The following PRKRIP1 variants were observed in gnomAD, a reference collection of about 807,000 sequenced individuals.
PRKRIP1 encodes PRKR-interacting protein 1.
PRKRIP1 carries 29 observed loss-of-function variants against 29.3 expected under a neutral mutation model. The ratio of observed to expected loss-of-function variants is 0.99; its 90% CI spans 0.74 to 1.35. PRKRIP1 has a LOEUF of 1.35. Among genes scored for constraint, PRKRIP1 ranks in the 40% most tolerant of loss-of-function variants. PRKRIP1 has a pLI of 0.00. For missense variants in PRKRIP1, 247 were observed against 236.8 expected (o/e 1.04, Z -0.28); for synonymous variants, 90 against 85.1 (o/e 1.06, Z -0.32).
At chr7:102,404,787 G>A in intron 4 of PRKRIP1, 104 bp downstream of exon 4, 1 of 777,308 alleles carries the variant, frequency 1.3e-6, no homozygotes, top group Non-Finnish European at 2.1e-6. Flanking sequence ...ACCTGTAGGG[G>A]TCATGAATGT....
At chr7:102,415,691 C>T (rs896638703) in intron 5 of PRKRIP1, among the ~76,000 whole-genome samples, 9 of 152,252 alleles carry the variant, frequency 5.9e-5, no homozygotes, top group Non-Finnish European at 8.8e-5. Context: ...TGAGGTTAGT[C>T]AGTGGTGCTG....
At chr7:102,411,764 AAG>A (rs575784055) in intron 5 of PRKRIP1, among the ~76,000 whole-genome samples, 129 of 151,826 alleles carry the variant, frequency 8.5e-4, no homozygotes, top group Middle Eastern at 3.4e-3. Flanking sequence ...CCAGTGCAAA[AAG>A]GCTATAATTT....
chr7:102,396,464 C>T lies in PRKRIP1; in HGVS notation c.53C>T (p.Pro18Leu), dbSNP rs146963861. 6.2e-6 allele frequency: 10 copies of T among 1,608,832 alleles called. No individual in the cohort carries two copies. Among genetic ancestry groups the T allele is most frequent in the Non-Finnish European group, 5.9e-6 (7 of 1,178,832 alleles). Residue 18 changes from proline (P) to leucine (L), a missense_variant, in exon 1 of 6, where the codon CCG (proline) becomes CTG (leucine). Pro to Leu is a moderately conservative substitution (Grantham distance 98). Transcript: ENST00000397912. The stretch of plus-strand genomic sequence containing the variant: ...CGACCACCGAGGCCCAAGAAAGAGC[C>T]GCAGACGCTCGTCATCCCCAAGAAT... Reference protein sequence around the residue: ...SVRPPRPKKEPQTLVIPKNAA... With the variant: ...SVRPPRPKKELQTLVIPKNAA...
chr7:102,408,946 AGTGG>A (rs1796302549), intron 5 of PRKRIP1, among the ~76,000 whole-genome samples: 1 of 138,572 alleles, frequency 7.2e-6, no homozygotes, highest in Non-Finnish European at 1.7e-5. Flanking sequence ...AGCCAAGGCG[AGTGG>A]ATCACCTGAG....
chr7:102,425,048 C>T lies in PRKRIP1; in HGVS notation c.492C>T (p.Ser164=). The T allele has an allele frequency of 1.9e-6, 3 of 1,613,806 alleles. No homozygotes were observed. The highest frequency in any genetic ancestry group is 4.5e-5 in the East Asian group (2 of 44,864). Residue 164 remains serine, a synonymous_variant, in exon 6 of 6, where the codon AGC becomes AGT. Transcript: ENST00000397912. The part of the protein sequence containing the change: ...PGQPKEQGSS[S]SAEASGTEEE... The stretch of plus-strand genomic sequence containing the variant: ...AGCCCAAGGAGCAGGGGTCCAGCAG[C>T]TCTGCGGAGGCATCTGGAACAGAGG...
intron 1 of PRKRIP1, among the ~76,000 whole-genome samples, chr7:102,397,099 G>A (rs1795926163): frequency 6.6e-6 from 1 of 152,114 alleles, no homozygotes; most frequent in Non-Finnish European, 1.5e-5. Context: ...GCTCTGGAAA[G>A]CGTAGCCCTG....
At chr7:102,410,635 A>T (rs984288352) in intron 5 of PRKRIP1, among the ~76,000 whole-genome samples, 3 of 151,720 alleles carry the variant, frequency 2.0e-5, no homozygotes, top group African/African-American at 7.3e-5. Flanking sequence ...CAGAACTCAC[A>T]CTCTTAGTGA....
intron 5 of PRKRIP1, among the ~76,000 whole-genome samples, chr7:102,411,741 A>G (rs1332204064): frequency 6.6e-6 from 1 of 151,238 alleles, no homozygotes; most frequent in East Asian, 1.9e-4. Flanking sequence ...TAACTGAACC[A>G]TTTTAACGCC....
chr7:102,402,700 T>TA (rs767598778), intron 3 of PRKRIP1, among the ~76,000 whole-genome samples: 45 of 151,928 alleles, frequency 3.0e-4, no homozygotes, highest in Middle Eastern at 6.8e-3. Flanking sequence ...CTCTGAGATT[T>TA]AAAAAAAAGG....
chr7:102,405,127 A>G (rs151112933), intron 4 of PRKRIP1, among the ~76,000 whole-genome samples: 1,783 of 152,188 alleles, frequency 0.012, 45 homozygotes, highest in African/African-American at 0.042. Context: ...AGGTTTCACC[A>G]TGTTGGTCAG....
intron 5 of PRKRIP1, among the ~76,000 whole-genome samples, chr7:102,421,326 T>C (rs183241794): frequency 7.0e-6 from 1 of 142,824 alleles, no homozygotes; most frequent in African/African-American, 2.6e-5. Context: ...GGAGGATCAC[T>C]TGAGCCCAGG....
chr7:102,420,032 T>C (rs1554573588), intron 5 of PRKRIP1, among the ~76,000 whole-genome samples: 1 of 152,096 alleles, frequency 6.6e-6, no homozygotes, highest in East Asian at 1.9e-4. Context: ...AAGCCAGGCA[T>C]CTGCCACCAC....
chr7:102,406,667 C>T (rs1162543186), intron 4 of PRKRIP1, among the ~76,000 whole-genome samples: 1 of 152,116 alleles, frequency 6.6e-6, no homozygotes, highest in African/African-American at 2.4e-5. Flanking sequence ...CTTCAAGGCT[C>T]TTGTCTCCTT....
intron 4 of PRKRIP1, among the ~76,000 whole-genome samples, 199 bp from the exon 5 acceptor site, chr7:102,407,235 A>G (rs575651862): frequency 1.3e-5 from 2 of 152,066 alleles, no homozygotes; most frequent in South Asian, 2.1e-4. Flanking sequence ...AAAAAAGAAG[A>G]TATTCCAGTA....
At chr7:102,420,673 A>G (rs1288587968) in intron 5 of PRKRIP1, among the ~76,000 whole-genome samples, 1 of 152,182 alleles carries the variant, frequency 6.6e-6, no homozygotes. Context: ...CCACACACAT[A>G]AAATCCCTTG....
At chr7:102,409,066 C>T (rs1192430518) in intron 5 of PRKRIP1, among the ~76,000 whole-genome samples, 4 of 149,228 alleles carry the variant, frequency 2.7e-5, no homozygotes, top group Admixed American at 6.7e-5. Context: ...CCCAGCTATT[C>T]GGGAGGCTGA....
intron 3 of PRKRIP1, among the ~76,000 whole-genome samples, chr7:102,400,661 A>C (rs782193907): frequency 1.3e-5 from 2 of 151,998 alleles, no homozygotes; most frequent in African/African-American, 2.4e-5. Flanking sequence ...TTTGAGATGG[A>C]GTTTTGCTCT....
chr7:102,418,232 T>A (rs1421121060), intron 5 of PRKRIP1, among the ~76,000 whole-genome samples: 1 of 151,700 alleles, frequency 6.6e-6, no homozygotes, highest in African/African-American at 2.4e-5. Flanking sequence ...GTATTTTTAG[T>A]AGAGACAGGG....
Position 102,425,106 on chromosome 7 carries a change from C to G in PRKRIP1, c.550C>G (p.Arg184Gly), listed in dbSNP as rs782018191. The change falls in exon 6 of 6, where the codon CGA (arginine) becomes GGA (glycine). Residue 184 changes from arginine (R) to glycine (G), a missense_variant. Transcript: ENST00000397912. ...GGAAGTGCCCAGTTTCACCATGGGG[C>G]GATGACAATGTTTGCCACAGCCTCT... ...EEEVPSFTMGR is the reference protein window; with the variant it reads ...EEEVPSFTMGG 11 of 1,611,650 alleles carry G rather than the reference C, an allele frequency of 6.8e-6. No homozygotes were observed. The highest frequency in any genetic ancestry group is 9.3e-6 in the Non-Finnish European group (11 of 1,179,724).
Sources: allele counts gnomAD v4.1 joint callset (sites outside exome capture counted in the v4.1 genomes callset), GRCh38; gene constraint gnomAD v4.1.1; transcripts MANE v1.5; gene names NCBI Gene and HGNC (gene_info 2026-07-23, HGNC 2026-07-21).